Variants in RANBP2 observed in about 807,000 individuals in gnomAD.
The protein encoded by RANBP2 is E3 SUMO-protein ligase RanBP2.
Under a neutral mutation model 303.6 loss-of-function variants are expected in RANBP2, and 57 were observed. The observed-to-expected ratio is 0.19, with a 90% CI of 0.15 to 0.23. The LOEUF is 0.23. Ranked by LOEUF, RANBP2 falls within the 10% of genes least tolerant of loss-of-function variation. The pLI is 1.00. For missense variants in RANBP2, 3,138 were observed against 3,780.8 expected, an observed-to-expected ratio of 0.83 and a Z score of 4.46; for synonymous variants, 1,167 against 1,301.5, an observed-to-expected ratio of 0.90 and a Z score of 2.23.
At chr2:109,735,672 G>GT in the RANBP2 span, among the ~76,000 whole-genome samples, 4 of 152,040 alleles carry the variant, frequency 2.6e-5, no homozygotes, top group Admixed American at 2.0e-4. Context: ...TCAGCCCAGG[G>GT]TTTTTTCACA....
chr2:109,070,297 A>G, the RANBP2 span, among the ~76,000 whole-genome samples: 1 of 152,222 alleles, frequency 6.6e-6, no homozygotes, highest in South Asian at 2.1e-4. Flanking sequence ...AGTCATTGAA[A>G]TATTTTAAGT....
At position 108,765,977 on chromosome 2, in the gene RANBP2, C is replaced by T; in HGVS notation, c.5438C>T (p.Pro1813Leu). The part of the protein sequence containing the change: ...ACDASKPTHK[P>L]IAEAPSAFTL... ...GATGCCTCTAAACCAACTCATAAAC[C>T]TATTGCAGAAGCTCCTTCAGCTTTC... The change falls in exon 20 of 29, where the codon CCT (proline) becomes CTT (leucine). Residue 1813 changes from proline to leucine, a missense_variant. Around this residue, in one of 20 missense-constraint regions of RANBP2, gnomAD observed 348 missense variants for 360.4 expected, o/e 0.97. Coordinates refer to ENST00000283195, the MANE Select transcript of RANBP2 (RefSeq NM_006267.5). The T allele has an allele frequency of 6.2e-7, 1 of 1,614,126 alleles. No individual in the cohort carries two copies. Among genetic ancestry groups the T allele is most frequent in the Non-Finnish European group, 8.5e-7 (1 of 1,179,996 alleles).
the RANBP2 span, among the ~76,000 whole-genome samples, chr2:109,698,739 C>T: frequency 6.6e-6 from 1 of 151,196 alleles, no homozygotes; most frequent in African/African-American, 2.4e-5. Context: ...TACATTGTTA[C>T]ATGCTGGAGT....
the RANBP2 span, among the ~76,000 whole-genome samples, chr2:109,166,161 T>C: frequency 6.6e-6 from 1 of 152,126 alleles, no homozygotes; most frequent in African/African-American, 2.4e-5. Flanking sequence ...GGTTGGCTTT[T>C]TCCCTCAGTG....
the RANBP2 span, chr2:109,585,007 T>C: frequency 2.2e-6 from 1 of 461,372 alleles, no homozygotes; most frequent in Admixed American, 4.1e-5. Context: ...TTTAAAACAA[T>C]GTGTGGAAGG....
the RANBP2 span, among the ~76,000 whole-genome samples, chr2:109,247,752 A>C: frequency 6.6e-6 from 1 of 152,190 alleles, no homozygotes; most frequent in African/African-American, 2.4e-5. Context: ...AGAAACCCAA[A>C]ACTTAGAGGC....
the RANBP2 span, among the ~76,000 whole-genome samples, chr2:108,830,131 A>T: frequency 6.6e-6 from 1 of 152,222 alleles, no homozygotes; most frequent in East Asian, 1.9e-4. Context: ...CCCTGAAGCT[A>T]TTGTAAATGA....
At chr2:108,813,789 T>A in the RANBP2 span, among the ~76,000 whole-genome samples, 1 of 152,208 alleles carries the variant, frequency 6.6e-6, no homozygotes, top group Admixed American at 6.5e-5. Flanking sequence ...TACCCTTTCC[T>A]GGTCATTCTT....
the RANBP2 span, among the ~76,000 whole-genome samples, chr2:109,066,111 AT>A: frequency 2.4e-3 from 315 of 132,904 alleles, no homozygotes; most frequent in African/African-American, 3.7e-3. Context: ...CTAATTCTGT[AT>A]TTTTTTTTTT....
At chr2:108,846,767 A>T in the RANBP2 span, 3 of 1,612,498 alleles carry the variant, frequency 1.9e-6, no homozygotes, top group Non-Finnish European at 1.7e-6. Flanking sequence ...CATTGAGGAG[A>T]TTGGGTGAAG....
chr2:108,897,328 A>C, the RANBP2 span: 1 of 1,228,934 alleles, frequency 8.1e-7, no homozygotes, highest in South Asian at 1.4e-5. Flanking sequence ...TATTTGAAAA[A>C]AATTTTTTTA....
At chr2:108,927,261 G>C in the RANBP2 span, among the ~76,000 whole-genome samples, 1 of 152,172 alleles carries the variant, frequency 6.6e-6, no homozygotes, top group African/African-American at 2.4e-5. Context: ...GCTGAGAGTG[G>C]TGTGGACTGA....
chr2:109,475,931 C>T, the RANBP2 span, among the ~76,000 whole-genome samples: 5 of 152,224 alleles, frequency 3.3e-5, no homozygotes, highest in Admixed American at 1.3e-4. Flanking sequence ...ACAAAAGAGC[C>T]CTAGGCCAAC....
rs1677087374 is a variant in RANBP2 at position 108,765,968 on chromosome 2, C to T, written c.5429C>T (p.Thr1810Ile). The part of the protein sequence containing the change: ...KCVACDASKP[T>I]HKPIAEAPSA... ...GTGGCTTGTGATGCCTCTAAACCAA[C>T]TCATAAACCTATTGCAGAAGCTCCT... is the stretch of plus-strand genomic sequence containing the variant. The change falls in exon 20 of 29, where the codon ACT becomes ATT. Residue 1810 changes from threonine (T) to isoleucine (I), a missense_variant. By Grantham distance (89) the Thr-to-Ile change is moderately conservative. Around this residue, in one of 20 missense-constraint regions of RANBP2, gnomAD observed 348 missense variants for 360.4 expected, o/e 0.97. Coordinates refer to ENST00000283195, the MANE Select transcript of RANBP2 (RefSeq NM_006267.5). 2 of 1,614,046 alleles carry T rather than the reference C, an allele frequency of 1.2e-6. No individual in the cohort carries two copies. Among genetic ancestry groups the T allele is most frequent in the African/African-American group, 1.3e-5 (1 of 74,938 alleles).
chr2:109,443,179 T>C, the RANBP2 span, among the ~76,000 whole-genome samples: 1 of 152,264 alleles, frequency 6.6e-6, no homozygotes, highest in Non-Finnish European at 1.5e-5. Flanking sequence ...TATCATCTTA[T>C]TCTAGTAGAT....
At chr2:108,847,120 C>G in the RANBP2 span, among the ~76,000 whole-genome samples, 3 of 152,182 alleles carry the variant, frequency 2.0e-5, no homozygotes, top group African/African-American at 7.2e-5. Flanking sequence ...TAGTTGGATT[C>G]TTGCCTCCTC....
chr2:109,489,763 A>G, the RANBP2 span, among the ~76,000 whole-genome samples: 2 of 150,974 alleles, frequency 1.3e-5, no homozygotes, highest in Admixed American at 6.6e-5. Context: ...GGGGGGACGG[A>G]GTCTCGCTCT....
chr2:108,763,036 C>G (rs1017896989), intron 19 of RANBP2, among the ~76,000 whole-genome samples: 5 of 152,120 alleles, frequency 3.3e-5, no homozygotes, highest in Non-Finnish European at 5.9e-5. Flanking sequence ...TCCTACTGCT[C>G]AAGGTCATTG....
At chr2:109,399,406 GT>G in the RANBP2 span, among the ~76,000 whole-genome samples, 1 of 151,698 alleles carries the variant, frequency 6.6e-6, no homozygotes, top group East Asian at 1.9e-4. Flanking sequence ...CGTTACTGTT[GT>G]TTCTACAGAT....
Sources: gnomAD v4.1 joint callset for allele counts (sites outside exome capture counted in the v4.1 genomes callset) on GRCh38, gnomAD v4.1.1 for gene constraint, gnomAD v4.1.1 regional missense constraint, MANE v1.5 for transcripts, NCBI Gene and HGNC (gene_info 2026-07-23, HGNC 2026-07-21) for gene names.